Variants in GPC6 observed in about 807,000 individuals in gnomAD.
GPC6 encodes glypican 6, also known as glypican-6.
In GPC6, 14 loss-of-function variants were observed where a neutral mutation model predicts 55.2. That is an observed-to-expected ratio of 0.25 (90% CI 0.17 to 0.40). GPC6 has a LOEUF of 0.40. Ranked by LOEUF, GPC6 falls within the 10% of genes least tolerant of loss-of-function variation. The pLI is 1.00. For missense variants in GPC6, 641 were observed against 708.5 expected (o/e 0.90, Z 1.08); for synonymous variants, 278 against 259.6 (o/e 1.07, Z -0.68).
chr13:93,926,939 A>G (rs1052305342), intron 3 of GPC6, among the ~76,000 whole-genome samples: 3 of 152,172 alleles, frequency 2.0e-5, no homozygotes, highest in Non-Finnish European at 2.9e-5. Flanking sequence ...GATGGCATAC[A>G]GTTCAGAGAT....
chr13:93,493,964 A>G (rs1421239203), intron 1 of GPC6, among the ~76,000 whole-genome samples: 1 of 122,690 alleles, frequency 8.2e-6, no homozygotes, highest in Non-Finnish European at 1.8e-5. Context: ...ATTTTGGAAT[A>G]GGTGTGGTGT....
chr13:93,693,014 TA>T (rs1566489921), intron 2 of GPC6, among the ~76,000 whole-genome samples: 1 of 151,752 alleles, frequency 6.6e-6, no homozygotes, highest in Non-Finnish European at 1.5e-5. Flanking sequence ...CTTTTCTTGC[TA>T]AAAAGTAGAT....
intron 1 of GPC6, among the ~76,000 whole-genome samples, chr13:93,360,845 A>G (rs1423018637): frequency 1.3e-5 from 2 of 152,072 alleles, no homozygotes; most frequent in Non-Finnish European, 2.9e-5. Flanking sequence ...CTGAAAATCT[A>G]TGTTTGCAGG....
At chr13:93,834,491 G>A (rs1887657168) in intron 3 of GPC6, among the ~76,000 whole-genome samples, 1 of 152,198 alleles carries the variant, frequency 6.6e-6, no homozygotes, top group African/African-American at 2.4e-5. Context: ...TGGAGATGCA[G>A]TTTGGAGGTA....
chr13:94,037,102 A>T (rs1883365755), intron 4 of GPC6, among the ~76,000 whole-genome samples: 1 of 152,036 alleles, frequency 6.6e-6, no homozygotes, highest in African/African-American at 2.4e-5. Context: ...TAGTCCTAAG[A>T]GGACTTCAGG....
intron 3 of GPC6, among the ~76,000 whole-genome samples, chr13:93,906,976 A>C (rs1876704131): frequency 6.6e-6 from 1 of 152,214 alleles, no homozygotes. Context: ...TTTACATTCA[A>C]AGATGTAAAC....
chr13:93,237,908 C>A (rs1035756150), intron 1 of GPC6, among the ~76,000 whole-genome samples: 1 of 152,070 alleles, frequency 6.6e-6, no homozygotes, highest in African/African-American at 2.4e-5. Context: ...GTTCTCTATT[C>A]TGTTCTATTG....
chr13:94,188,882 G>A (rs1889292848), intron 4 of GPC6, among the ~76,000 whole-genome samples: 1 of 152,160 alleles, frequency 6.6e-6, no homozygotes, highest in Non-Finnish European at 1.5e-5. Context: ...AGTCGTCAAA[G>A]GAGTCTGTCT....
intron 2 of GPC6, among the ~76,000 whole-genome samples, chr13:93,565,417 A>T (rs1261365340): frequency 6.6e-6 from 1 of 152,178 alleles, no homozygotes; most frequent in Non-Finnish European, 1.5e-5. Flanking sequence ...GGATAAAGGA[A>T]TATATATTCT....
intron 4 of GPC6, among the ~76,000 whole-genome samples, chr13:94,069,807 A>G (rs964005903): frequency 3.3e-5 from 5 of 152,160 alleles, no homozygotes; most frequent in African/African-American, 1.2e-4. Context: ...CTCAGCCTGG[A>G]TTTCATTGTC....
intron 1 of GPC6, among the ~76,000 whole-genome samples, chr13:93,327,739 C>T (rs931163277): frequency 1.3e-5 from 2 of 150,562 alleles, no homozygotes; most frequent in Non-Finnish European, 3.0e-5. Context: ...TAGTGAAGTG[C>T]TTCAAATTAA....
intron 4 of GPC6, among the ~76,000 whole-genome samples, chr13:94,074,050 T>A (rs1166772856): frequency 6.6e-6 from 1 of 152,202 alleles, no homozygotes; most frequent in Non-Finnish European, 1.5e-5. Flanking sequence ...GGAATCAGTG[T>A]GTATTAGAGA....
At chr13:93,879,699 C>A (rs1193698510) in intron 3 of GPC6, among the ~76,000 whole-genome samples, 7 of 151,694 alleles carry the variant, frequency 4.6e-5, no homozygotes, top group East Asian at 1.9e-4. Context: ...GCAACAAAAG[C>A]CAAAATTGAC....
At chr13:94,058,412 T>C (rs1385385902) in intron 4 of GPC6, among the ~76,000 whole-genome samples, 2 of 152,200 alleles carry the variant, frequency 1.3e-5, no homozygotes, top group Admixed American at 1.3e-4. Flanking sequence ...ATTCAACAAA[T>C]ATAACTTGGT....
At chr13:93,596,956 A>C (rs2139517161) in intron 2 of GPC6, among the ~76,000 whole-genome samples, 1 of 148,182 alleles carries the variant, frequency 6.7e-6, no homozygotes, top group Admixed American at 6.8e-5. Context: ...CCAAAACAAA[A>C]GCTAGCAGCC....
intron 2 of GPC6, among the ~76,000 whole-genome samples, chr13:93,697,674 A>C (rs1882507569): frequency 1.3e-5 from 2 of 152,154 alleles, no homozygotes; most frequent in African/African-American, 4.8e-5. Context: ...TTAGTTCCAA[A>C]ATTTTAGAAC....
At chr13:94,238,434 G>A (rs949261317) in intron 4 of GPC6, among the ~76,000 whole-genome samples, 1 of 152,082 alleles carries the variant, frequency 6.6e-6, no homozygotes, top group African/African-American at 2.4e-5. Context: ...ACCAGAGGTG[G>A]AAGAAACACA....
Position 93,545,497 on chromosome 13 carries a change from A to C in GPC6, c.319+76A>C, listed in dbSNP as rs571876047. ...AGAATCTTGGTATCATATGAAAAAT[A>C]TTTTTTTAAAAAGGGAGCTTTTCTA... On this transcript the variant is annotated intron_variant, in intron 2 of 8. Transcript: ENST00000377047. 6 of 1,270,072 alleles carry C rather than the reference A, an allele frequency of 4.7e-6. 1 individual carries two copies. The Admixed American group carries it at 8.4e-5, about 18-fold the overall frequency. The allele number at this position is 1,270,072 out of a possible 1,614,324, so 78.7% of individuals were successfully genotyped here.
intron 5 of GPC6, among the ~76,000 whole-genome samples, chr13:94,299,872 T>C (rs1161155694): frequency 6.6e-6 from 1 of 152,244 alleles, no homozygotes; most frequent in East Asian, 1.9e-4. Flanking sequence ...GAAGATACGA[T>C]AGCTTCTATT....
Sources: allele counts gnomAD v4.1 joint callset (sites outside exome capture counted in the v4.1 genomes callset), GRCh38; gene constraint gnomAD v4.1.1; transcripts MANE v1.5; gene names NCBI Gene and HGNC (gene_info 2026-07-23, HGNC 2026-07-21).